The following PIWIL2 variants were observed in gnomAD, a reference collection of about 807,000 sequenced individuals.
The protein encoded by PIWIL2 is piwi-like protein 2.
PIWIL2 carries 81 observed loss-of-function variants against 116.5 expected under a neutral mutation model. The observed-to-expected ratio is 0.70, with a 90% CI of 0.58 to 0.84. PIWIL2 has a LOEUF of 0.84. Among genes scored for constraint, PIWIL2 ranks in the 40% least tolerant of loss-of-function variants. The pLI is 0.00. For missense variants in PIWIL2, 1,272 were observed against 1,212.3 expected, an observed-to-expected ratio of 1.05 and a Z score of -0.73; for synonymous variants, 489 against 429.5, an observed-to-expected ratio of 1.14 and a Z score of -1.71.
chr8:22,303,456 A>G lies in PIWIL2; in HGVS notation c.1182-565A>G, dbSNP rs569274358. On this transcript the variant is annotated intron_variant, in intron 10 of 22. Coordinates refer to ENST00000356766, the MANE Select transcript of PIWIL2 (RefSeq NM_018068.5). ...ACCCAGGATGGAGTGCAGTGATGCT[A>G]TCATAGCTCACTGTAGCCTCAAACT... Among the ~76,000 whole-genome samples the G allele has an allele frequency of 4.0e-4, 61 of 152,306 alleles. 1 individual carries two copies. In the South Asian group the frequency reaches 0.013, roughly 32 times the overall value.
At chr8:22,344,373 G>C (rs773597756) in intron 20 of PIWIL2, among the ~76,000 whole-genome samples, 1 of 152,200 alleles carries the variant, frequency 6.6e-6, no homozygotes, top group Non-Finnish European at 1.5e-5. Context: ...GTTGTAACAA[G>C]TGTACCATAA....
At chr8:22,337,961 G>A (rs1007108586) in intron 20 of PIWIL2, among the ~76,000 whole-genome samples, 8 of 152,086 alleles carry the variant, frequency 5.3e-5, no homozygotes, top group Non-Finnish European at 8.8e-5. Context: ...GGGTGTGGTG[G>A]TGCATGCCTG....
intron 20 of PIWIL2, among the ~76,000 whole-genome samples, chr8:22,319,190 G>A (rs200959872): frequency 3.5e-4 from 54 of 152,306 alleles, no homozygotes; most frequent in East Asian, 3.5e-3. Flanking sequence ...AAGAAATGTC[G>A]TAATTTCATA....
intron 10 of PIWIL2, among the ~76,000 whole-genome samples, chr8:22,297,928 T>G (rs1251344317): frequency 6.6e-6 from 1 of 152,106 alleles, no homozygotes; most frequent in Non-Finnish European, 1.5e-5. Flanking sequence ...ATGCCTTATA[T>G]GTATAGACAG....
intron 20 of PIWIL2, among the ~76,000 whole-genome samples, chr8:22,322,277 G>C (rs1463888411): frequency 1.3e-5 from 2 of 150,990 alleles, no homozygotes; most frequent in Non-Finnish European, 3.0e-5. Flanking sequence ...TTTTGAGACA[G>C]GGTTGCTCTG....
At chr8:22,354,239 C>T (rs768539716) in intron 21 of PIWIL2, 32 bp from the exon 22 acceptor site, 5 of 1,407,854 alleles carry the variant, frequency 3.6e-6, no homozygotes, top group Non-Finnish European at 5.0e-6. Context: ...CTGAATCCGA[C>T]CATTTCACTG....
intron 20 of PIWIL2, among the ~76,000 whole-genome samples, chr8:22,344,557 A>G (rs1832182425): frequency 6.6e-6 from 1 of 152,116 alleles, no homozygotes; most frequent in Admixed American, 6.6e-5. Flanking sequence ...ACCATATCGT[A>G]TGCACGAGGA....
Position 22,321,400 on chromosome 8 carries a change from A to G in PIWIL2, c.2403+3125A>G, listed in dbSNP as rs192646820. 4.3e-4 allele frequency among the ~76,000 whole-genome samples: 65 copies of G among 152,326 alleles called. 1 individual carries two copies. The highest frequency in any genetic ancestry group is 1.6e-3 in the African/African-American group (65 of 41,576). On this transcript the variant is annotated intron_variant, in intron 20 of 22. Coordinates refer to ENST00000356766, the MANE Select transcript of PIWIL2 (RefSeq NM_018068.5). ...AGTGCTGGGATTACGGGCATGAGCC[A>G]CTGCGCCTGGCCAAAAGGTTTCATT...
chr8:22,277,527 T>A (rs934937416), intron 1 of PIWIL2, among the ~76,000 whole-genome samples: 5 of 151,842 alleles, frequency 3.3e-5, no homozygotes, highest in South Asian at 2.1e-4. Context: ...GTTTTTAAAA[T>A]TTTTTTTTCT....
intron 12 of PIWIL2, 135 bp from the exon 13 acceptor site, chr8:22,305,792 C>T (rs1269648646): frequency 4.5e-6 from 3 of 667,584 alleles, no homozygotes; most frequent in East Asian, 2.5e-5. Flanking sequence ...ACTGCTCTCT[C>T]CTCCAGGATT....
In PIWIL2 at chr8:22,357,511, G is replaced by A. The variant is rs1330485397; in HGVS notation, c.*2006G>A. 3 of 151,854 alleles carry A rather than the reference G, an allele frequency of 2.0e-5. No homozygotes were observed. The highest frequency in any genetic ancestry group is 2.9e-5 in the Non-Finnish European group (2 of 67,982). 9.4% of individuals were successfully genotyped at this position (151,854 alleles called of 1,614,324 possible). On this transcript the variant is annotated 3_prime_UTR_variant, in exon 23 of 23. Transcript: ENST00000356766. ...TCTTGGTTTTCTTGCCTCGTTTTTCGGTTTTAATGCCAAATGATTGGGTCA... is the reference window on the plus strand; with the variant it reads ...TCTTGGTTTTCTTGCCTCGTTTTTCAGTTTTAATGCCAAATGATTGGGTCA...
At chr8:22,282,201 G>A (rs1252830801) in intron 4 of PIWIL2, among the ~76,000 whole-genome samples, 2 of 141,600 alleles carry the variant, frequency 1.4e-5, no homozygotes, top group Non-Finnish European at 3.0e-5. Context: ...CTGCCTCAGT[G>A]TGCCGAGTAG....
At chr8:22,331,312 A>G (rs1831857072) in intron 20 of PIWIL2, among the ~76,000 whole-genome samples, 1 of 152,128 alleles carries the variant, frequency 6.6e-6, no homozygotes, top group Non-Finnish European at 1.5e-5. Context: ...CCTGCTCAAC[A>G]TAGTGAGATC....
chr8:22,304,156 G>A lies in PIWIL2; in HGVS notation c.1317G>A (p.Lys439=). Residue 439 remains lysine (K), a synonymous_variant, in exon 11 of 23, where the codon AAG becomes AAA. Transcript: ENST00000356766. ...ATGTGGATTGGAATAAGACTCCAAAGGATAGCTTCACGATGTCTGATGGGA... is the reference window on the plus strand; with the variant it reads ...ATGTGGATTGGAATAAGACTCCAAAAGATAGCTTCACGATGTCTGATGGGA... ...IDDVDWNKTP[K]DSFTMSDGKE... 6.2e-7 allele frequency: 1 copy of A among 1,613,600 alleles called. No homozygotes were observed. Among genetic ancestry groups the A allele is most frequent in the Non-Finnish European group, 8.5e-7 (1 of 1,179,572 alleles).
chr8:22,357,445 G>A lies in PIWIL2; in HGVS notation c.*1940G>A, dbSNP rs1392559040. 3 of 152,080 alleles carry A rather than the reference G, an allele frequency of 2.0e-5. No individual in the cohort carries two copies. Among genetic ancestry groups the A allele is most frequent in the Admixed American group, 6.6e-5 (1 of 15,252 alleles). 9.4% of individuals were successfully genotyped at this position (152,080 alleles called of 1,614,324 possible). A position where few individuals can be genotyped will look rare whatever the true frequency, so the allele number is the denominator to read the frequency against. ...TTTCTCTTAGATAATCAGAACAAAT[G>A]GTTGAATACATTATAATACAAAAAT... On this transcript the variant is annotated 3_prime_UTR_variant, in exon 23 of 23. Coordinates refer to ENST00000356766, the MANE Select transcript of PIWIL2 (RefSeq NM_018068.5).
intron 20 of PIWIL2, among the ~76,000 whole-genome samples, chr8:22,346,810 G>A (rs1264020162): frequency 1.3e-5 from 2 of 152,166 alleles, no homozygotes; most frequent in Non-Finnish European, 2.9e-5. Context: ...TACTCAGGAG[G>A]CTGAGGTGGC....
At chr8:22,341,299 TAAAA>T (rs769390524) in intron 20 of PIWIL2, among the ~76,000 whole-genome samples, 1 of 141,990 alleles carries the variant, frequency 7.0e-6, no homozygotes, top group Non-Finnish European at 1.5e-5. Context: ...ATTCATGATT[TAAAA>T]AAAAAAAAAA....
chr8:22,354,820 A>G (rs972955002), intron 22 of PIWIL2, among the ~76,000 whole-genome samples: 1 of 152,238 alleles, frequency 6.6e-6, no homozygotes, highest in African/African-American at 2.4e-5. Flanking sequence ...CTATAATCCC[A>G]GCACTTTGGG....
In PIWIL2 at chr8:22,299,825, T is replaced by C. The variant is rs7830041; in HGVS notation, c.1182-4196T>C. ...ACTTCTGTTCCTCCTCTGCACGCCA[T>C]GGGCAGCAAATGCTGGTCAGCCTTC... On this transcript the variant is annotated intron_variant, in intron 10 of 22. Transcript: ENST00000356766. Among the ~76,000 whole-genome samples the C allele has an allele frequency of 6.1e-3, 925 of 152,346 alleles. 7 individuals are homozygous for C. The highest frequency in any genetic ancestry group is 0.021 in the African/African-American group (865 of 41,580).
Sources: allele counts gnomAD v4.1 joint callset (sites outside exome capture counted in the v4.1 genomes callset), GRCh38; gene constraint gnomAD v4.1.1; transcripts MANE v1.5; gene names NCBI Gene and HGNC (gene_info 2026-07-23, HGNC 2026-07-21).